Variants in NF2 observed in about 807,000 individuals in gnomAD.
NF2 encodes the protein NF2, moesin-ezrin-radixin like (MERLIN) tumor suppressor.
A neutral mutation model predicts 83.7 loss-of-function variants in NF2; 8 were observed. The ratio of observed to expected loss-of-function variants is 0.10; its 90% CI spans 0.06 to 0.17. NF2 has a LOEUF of 0.17. Ranked by LOEUF, NF2 falls within the 10% of genes least tolerant of loss-of-function variation. The pLI, the probability that NF2 is intolerant of heterozygous loss-of-function variation, is 1.00. For missense variants in NF2, 533 were observed against 744.4 expected, an observed-to-expected ratio of 0.72 and a Z score of 3.31; for synonymous variants, 266 against 269.6, an observed-to-expected ratio of 0.99 and a Z score of 0.13.
intron 15 of NF2, among the ~76,000 whole-genome samples, chr22:29,689,980 G>C (rs1326093403): frequency 6.6e-6 from 1 of 152,236 alleles, no homozygotes; most frequent in Non-Finnish European, 1.5e-5. Flanking sequence ...TGGAAGGAGA[G>C]TTGGCCGTGC....
At position 29,636,715 on chromosome 22, in the gene NF2, C is replaced by G. The variant is rs1250506058; in HGVS notation, c.115-36C>G. The G allele has an allele frequency of 4.3e-6, 7 of 1,613,856 alleles. No individual in the cohort carries two copies. The highest frequency in any genetic ancestry group is 5.9e-6 in the Non-Finnish European group (7 of 1,179,908). On this transcript the variant is annotated intron_variant, in intron 1 of 15. Coordinates refer to ENST00000338641, the MANE Select transcript of NF2 (RefSeq NM_000268.4). The surrounding 1 kb of genome is among the most constrained non-coding windows in gnomAD (Gnocchi z 4.4). Reference sequence around the variant, plus strand: ...GAAAAGGTTTTATTAATGATTTTTGCTCACAGTGTCCTTCCCCATTGGTTT... The same window carrying G: ...GAAAAGGTTTTATTAATGATTTTTGGTCACAGTGTCCTTCCCCATTGGTTT...
chr22:29,624,819 T>A (rs1028299931), intron 1 of NF2, among the ~76,000 whole-genome samples: 59 of 129,882 alleles, frequency 4.5e-4, no homozygotes, highest in African/African-American at 1.7e-3. Context: ...CTTTCTTTCT[T>A]TCTTTCTTTC....
chr22:29,672,861 CT>C (rs2066843525), intron 11 of NF2, among the ~76,000 whole-genome samples: 1 of 151,888 alleles, frequency 6.6e-6, no homozygotes, highest in Non-Finnish European at 1.5e-5. Flanking sequence ...CTCAGGTGAT[CT>C]GCCCGCCTCA....
chr22:29,665,949 A>G (rs1601632358), intron 9 of NF2, among the ~76,000 whole-genome samples: 1 of 152,156 alleles, frequency 6.6e-6, no homozygotes, highest in African/African-American at 2.4e-5. Context: ...AAAGAAAAAT[A>G]CCATTCAATG....
chr22:29,622,186 G>A (rs1225056291), intron 1 of NF2, among the ~76,000 whole-genome samples: 1 of 152,190 alleles, frequency 6.6e-6, no homozygotes, highest in Non-Finnish European at 1.5e-5. Flanking sequence ...TTATTTTATT[G>A]CATTTGGTGT....
In NF2 at chr22:29,655,257, T is replaced by A. The variant is rs968644088; in HGVS notation, c.517-337T>A. ...CTCTCTTTACCTGTCCCTCGATGGC[T>A]TCTGAGCATGTGAAGGCCTGAGATG... On this transcript the variant is annotated intron_variant, in intron 5 of 15. Coordinates refer to ENST00000338641, the MANE Select transcript of NF2 (RefSeq NM_000268.4). Among the ~76,000 whole-genome samples the A allele has an allele frequency of 5.3e-5, 8 of 152,202 alleles. 1 individual carries two copies. Among genetic ancestry groups the A allele is most frequent in the African/African-American group, 1.9e-4 (8 of 41,454 alleles).
chr22:29,668,944 A>G (rs960760336), intron 10 of NF2, among the ~76,000 whole-genome samples: 1 of 152,268 alleles, frequency 6.6e-6, no homozygotes, highest in African/African-American at 2.4e-5. Context: ...TGCCAGGAGC[A>G]TCTATCAGCA....
intron 1 of NF2, 60 bp downstream of exon 1, chr22:29,604,172 C>G (rs1323753987): frequency 4.5e-6 from 6 of 1,325,988 alleles, no homozygotes; most frequent in Non-Finnish European, 6.4e-6. Flanking sequence ...TCGAGAGGTT[C>G]TCTTTATATC....
At chr22:29,614,247 G>T (rs1167916006) in intron 1 of NF2, among the ~76,000 whole-genome samples, 4 of 149,854 alleles carry the variant, frequency 2.7e-5, no homozygotes, top group Non-Finnish European at 5.9e-5. Flanking sequence ...TTCAAGACGA[G>T]GCTGGCCAAC....
intron 14 of NF2, among the ~76,000 whole-genome samples, chr22:29,678,524 G>A (rs994854562): frequency 7.2e-5 from 11 of 152,138 alleles, no homozygotes; most frequent in Admixed American, 1.3e-4. Context: ...CATTCTGAAC[G>A]AATAAAAATA....
chr22:29,656,819 G>A (rs896972212), intron 6 of NF2, among the ~76,000 whole-genome samples: 1 of 151,870 alleles, frequency 6.6e-6, no homozygotes. Context: ...GTTTATACAT[G>A]CCTGTCGACA....
chr22:29,668,531 G>T, intron 10 of NF2, 85 bp downstream of exon 10: 1 of 999,090 alleles, frequency 1.0e-6, no homozygotes, highest in Non-Finnish European at 1.6e-6. Context: ...GGGCTGGCAG[G>T]AGTCTTTTGG....
intron 1 of NF2, among the ~76,000 whole-genome samples, chr22:29,635,308 A>G (rs531927255): frequency 6.6e-6 from 1 of 152,250 alleles, no homozygotes; most frequent in Admixed American, 6.5e-5. Context: ...TTGGTTTTAT[A>G]GCAAGTCTCT....
chr22:29,691,842 G>A (rs2067414302), intron 15 of NF2, among the ~76,000 whole-genome samples: 1 of 152,242 alleles, frequency 6.6e-6, no homozygotes, highest in South Asian at 2.1e-4. Flanking sequence ...GCTGCTACCT[G>A]CAGGAAAGAA....
chr22:29,654,938 C>A (rs1196482702), intron 5 of NF2, among the ~76,000 whole-genome samples: 1 of 152,092 alleles, frequency 6.6e-6, no homozygotes, highest in African/African-American at 2.4e-5. Context: ...ACTAGCATGG[C>A]CTGTAAATGT....
At chr22:29,646,183 G>A (rs2065977442) in intron 4 of NF2, among the ~76,000 whole-genome samples, 2 of 152,196 alleles carry the variant, frequency 1.3e-5, no homozygotes, top group Admixed American at 1.3e-4. Flanking sequence ...TGCAGATGAG[G>A]AATTTAAGGC....
intron 1 of NF2, among the ~76,000 whole-genome samples, chr22:29,616,991 T>A (rs1352500566): frequency 6.6e-6 from 1 of 151,930 alleles, no homozygotes; most frequent in Admixed American, 6.6e-5. Context: ...AGCAATGGTG[T>A]GATCTCAGCT....
intron 14 of NF2, among the ~76,000 whole-genome samples, chr22:29,679,428 C>CAT (rs1260538451): frequency 6.6e-6 from 1 of 152,222 alleles, no homozygotes; most frequent in Non-Finnish European, 1.5e-5. Context: ...ATTATCCAGA[C>CAT]ATATACATTT....
chr22:29,654,283 A>G (rs2066236330), intron 4 of NF2, among the ~76,000 whole-genome samples: 2 of 152,218 alleles, frequency 1.3e-5, no homozygotes, highest in East Asian at 1.9e-4. Flanking sequence ...ATTTATAGGT[A>G]AGACTCTTAT....
Sources: gnomAD v4.1 joint callset for allele counts (sites outside exome capture counted in the v4.1 genomes callset) on GRCh38, gnomAD v4.1.1 for gene constraint, Gnocchi (gnomAD v3.1) non-coding constraint, MANE v1.5 for transcripts, NCBI Gene and HGNC (gene_info 2026-07-23, HGNC 2026-07-21) for gene names.